The following CCDC158 variants were observed in gnomAD, a reference collection of about 807,000 sequenced individuals.
CCDC158 encodes coiled-coil domain containing 158.
In CCDC158, 116 loss-of-function variants were observed where a neutral mutation model predicts 138.6. The observed-to-expected ratio is 0.84, with a 90% CI of 0.72 to 0.98. CCDC158 has a LOEUF of 0.98. CCDC158 is among the 50% of genes least tolerant of loss of function. The pLI, the probability that CCDC158 is intolerant of heterozygous loss-of-function variation, is 0.00. For missense variants in CCDC158, 1,265 were observed against 1,306.1 expected (o/e 0.97, Z 0.48); for synonymous variants, 436 against 442.4 (o/e 0.99, Z 0.18).
chr4:76,345,646 G>A, intron 18 of CCDC158: 1 of 783,888 alleles, frequency 1.3e-6, no homozygotes, highest in Middle Eastern at 3.6e-4. Flanking sequence ...AGCATCACTT[G>A]CACTTAAATC....
chr4:76,321,659 A>G (rs1267368106), intron 24 of CCDC158, among the ~76,000 whole-genome samples: 1 of 146,376 alleles, frequency 6.8e-6, no homozygotes, highest in African/African-American at 2.5e-5. Context: ...CCATATATAT[A>G]CCATGTATAT....
At chr4:76,400,896 G>A (rs947267644) in intron 3 of CCDC158, among the ~76,000 whole-genome samples, 1 of 152,196 alleles carries the variant, frequency 6.6e-6, no homozygotes, top group South Asian at 2.1e-4. Flanking sequence ...GTGACTGGCT[G>A]AAATAAGGAA....
At chr4:76,396,549 T>C (rs1297107943) in intron 3 of CCDC158, 63 bp from the exon 4 acceptor site, 1 of 1,268,594 alleles carries the variant, frequency 7.9e-7, no homozygotes, top group Non-Finnish European at 1.1e-6. Context: ...TTCACTGTTA[T>C]TGCCCAGGCT....
At position 76,313,174 on chromosome 4, in the gene CCDC158, T is replaced by G; in HGVS notation, c.3350A>C (p.Lys1117Thr). 6.3e-7 allele frequency: 1 copy of G among 1,598,564 alleles called. No individual in the cohort carries two copies. Among genetic ancestry groups the G allele is most frequent in the South Asian group, 1.1e-5 (1 of 89,118 alleles). ...AAAGAATAGGCAAGCAACGAGTCAT[T>G]TTAGTAACATTTTTTCCTGGTCTTT... is the stretch of plus-strand genomic sequence containing the variant. ...KVKDQEKMLL[K>T] The change falls in exon 25 of 25, where the codon AAA (lysine) becomes ACA (threonine). Residue 1117 changes from lysine to threonine, a missense_variant. Coordinates refer to ENST00000682701, the MANE Select transcript of CCDC158 (RefSeq NM_001394954.1).
At chr4:76,359,871 A>T (rs917999946) in intron 13 of CCDC158, among the ~76,000 whole-genome samples, 6 of 152,250 alleles carry the variant, frequency 3.9e-5, no homozygotes, top group African/African-American at 1.4e-4. Flanking sequence ...GGCTGCAGAA[A>T]TTTGCTAAGT....
At chr4:76,383,616 T>C in intron 7 of CCDC158, 46 bp downstream of exon 7, 1 of 1,337,036 alleles carries the variant, frequency 7.5e-7, no homozygotes, top group Non-Finnish European at 1.1e-6. Context: ...TGTAAAACTG[T>C]GGTTTAGTTT....
In CCDC158 at chr4:76,417,066, A is replaced by G. The variant is rs1347179935; in HGVS notation, c.-117+3899T>C. The stretch of plus-strand genomic sequence containing the variant: ...GAGAGAGGCTGTACCCTGCAAAGCC[A>G]CAGGGGTTGGAGCTGCCCAAGACCA... On this transcript the variant is annotated intron_variant, in intron 1 of 24. Transcript: ENST00000682701. Among the ~76,000 whole-genome samples, 3 of 152,134 alleles carry G rather than the reference A, an allele frequency of 2.0e-5. No individual in the cohort carries two copies. In the East Asian group the frequency reaches 5.8e-4, roughly 29 times the overall value.
chr4:76,345,628 G>T (rs1261129132), intron 18 of CCDC158: 1 of 855,140 alleles, frequency 1.2e-6, no homozygotes, highest in African/African-American at 1.7e-5. Flanking sequence ...GAATGTGAAA[G>T]AAAGCCAAGC....
intron 20 of CCDC158, 108 bp from the exon 21 acceptor site, chr4:76,331,511 G>A (rs2110102062): frequency 1.2e-6 from 1 of 851,966 alleles, no homozygotes; most frequent in Non-Finnish European, 2.0e-6. Flanking sequence ...GGGTGAAATG[G>A]TATCATCTGA....
chr4:76,388,274 T>C (rs1250702053), intron 4 of CCDC158, among the ~76,000 whole-genome samples: 1 of 152,146 alleles, frequency 6.6e-6, no homozygotes, highest in African/African-American at 2.4e-5. Flanking sequence ...AAGCAGGCTC[T>C]TGGAGTCTCT....
At chr4:76,339,801 C>G (rs759693955) in intron 18 of CCDC158, among the ~76,000 whole-genome samples, 9 of 152,144 alleles carry the variant, frequency 5.9e-5, no homozygotes, top group Non-Finnish European at 1.3e-4. Flanking sequence ...AAAAATGTCA[C>G]CTGAACTTAA....
chr4:76,369,299 AT>A, intron 11 of CCDC158, 126 bp downstream of exon 11: 1 of 714,976 alleles, frequency 1.4e-6, no homozygotes, highest in Non-Finnish European at 2.1e-6. Flanking sequence ...CACAGAATCC[AT>A]AGCTTTATTT....
At chr4:76,338,169 G>T (rs577401650) in intron 18 of CCDC158, among the ~76,000 whole-genome samples, 1 of 152,326 alleles carries the variant, frequency 6.6e-6, no homozygotes, top group South Asian at 2.1e-4. Context: ...ATCTGAGGTG[G>T]AGCTAAGGCA....
At chr4:76,400,237 AGTTCAT>A (rs1728227164) in intron 3 of CCDC158, among the ~76,000 whole-genome samples, 1 of 152,102 alleles carries the variant, frequency 6.6e-6, no homozygotes, top group Non-Finnish European at 1.5e-5. Context: ...AAAAAGGATG[AGTTCAT>A]GTCTTTTGTA....
At chr4:76,418,184 A>G (rs17001936) in intron 1 of CCDC158, among the ~76,000 whole-genome samples, 3,782 of 152,284 alleles carry the variant, frequency 0.025, 151 homozygotes, top group African/African-American at 0.086. Flanking sequence ...GGGGCTAGCT[A>G]TAAAGCCATT....
At chr4:76,401,773 T>C (rs530956131) in intron 3 of CCDC158, among the ~76,000 whole-genome samples, 1 of 152,224 alleles carries the variant, frequency 6.6e-6, no homozygotes, top group South Asian at 2.1e-4. Context: ...ATGGGTCACC[T>C]ATGAGGACAG....
intron 18 of CCDC158, among the ~76,000 whole-genome samples, chr4:76,350,019 A>T (rs754893836): frequency 4.6e-5 from 7 of 152,202 alleles, no homozygotes; most frequent in African/African-American, 7.2e-5. Context: ...GATGTGCAAA[A>T]TTACTTTTGG....
intron 9 of CCDC158, among the ~76,000 whole-genome samples, chr4:76,374,314 T>C (rs867179971): frequency 1.3e-5 from 2 of 152,200 alleles, no homozygotes; most frequent in African/African-American, 2.4e-5. Context: ...TTTGTTATTA[T>C]CAGGAAAGAC....
At chr4:76,370,878 C>A (rs1014642780) in intron 10 of CCDC158, among the ~76,000 whole-genome samples, 2 of 152,138 alleles carry the variant, frequency 1.3e-5, no homozygotes, top group African/African-American at 4.8e-5. Context: ...AGCACCATTC[C>A]CTGGAATGGG....
Sources: allele counts gnomAD v4.1 joint callset (sites outside exome capture counted in the v4.1 genomes callset), GRCh38; gene constraint gnomAD v4.1.1; transcripts MANE v1.5; gene names NCBI Gene and HGNC (gene_info 2026-07-23, HGNC 2026-07-21).